Variants in TGM6 observed in about 807,000 individuals in gnomAD.
The protein encoded by TGM6 is transglutaminase 6.
Under a neutral mutation model 77.5 loss-of-function variants are expected in TGM6, and 74 were observed. That is an observed-to-expected ratio of 0.96 (90% confidence interval 0.79 to 1.16). TGM6 has a LOEUF of 1.16. Ranked by LOEUF, TGM6 falls within the 50% of genes most tolerant of loss-of-function variation. The pLI, the probability that TGM6 is intolerant of heterozygous loss-of-function variation, is 0.00. For synonymous variants in TGM6, 383 were observed against 378.9 expected (o/e 1.01, Z -0.12); for missense variants, 968 against 940.2 (o/e 1.03, Z -0.39).
intron 4 of TGM6, 75 bp from the exon 5 acceptor site, chr20:2,397,843 G>T: frequency 1.9e-6 from 3 of 1,612,612 alleles, no homozygotes; most frequent in Non-Finnish European, 1.7e-6. Context: ...GTGACTGACC[G>T]GGTGAGGGCT....
At chr20:2,381,680 G>T (rs1281428705) in intron 1 of TGM6, among the ~76,000 whole-genome samples, 1 of 152,210 alleles carries the variant, frequency 6.6e-6, no homozygotes, top group Non-Finnish European at 1.5e-5. Context: ...ATTTTGGGAG[G>T]CTGAAGGGGG....
rs536355140 is a variant in TGM6, at chr20:2,392,114, T to C, written c.8-2338T>C. Among the ~76,000 whole-genome samples the C allele has an allele frequency of 6.2e-4, 95 of 152,262 alleles. 1 individual carries two copies. Among genetic ancestry groups the C allele is most frequent in the Non-Finnish European group, 1.2e-3 (79 of 67,996 alleles). Reference sequence around the variant, plus strand: ...TCATCTCAAAGCTTGACCCAAAAGGTTTGAGGTCTATCTGCTTAATGCCAG... The same window carrying C: ...TCATCTCAAAGCTTGACCCAAAAGGCTTGAGGTCTATCTGCTTAATGCCAG... On this transcript the variant is annotated intron_variant, in intron 1 of 12. Coordinates refer to ENST00000202625, the MANE Select transcript of TGM6 (RefSeq NM_198994.3).
intron 9 of TGM6, 144 bp from the exon 10 acceptor site, chr20:2,417,088 C>T: frequency 1.3e-6 from 1 of 748,468 alleles, no homozygotes; most frequent in Non-Finnish European, 2.2e-6. Flanking sequence ...TGATTTAAAA[C>T]TTTATTTACA....
intron 1 of TGM6, among the ~76,000 whole-genome samples, chr20:2,383,948 A>C (rs1392103547): frequency 6.6e-6 from 1 of 151,924 alleles, no homozygotes; most frequent in Non-Finnish European, 1.5e-5. Flanking sequence ...TCTACTAAAA[A>C]TACAGAAAAT....
intron 9 of TGM6, among the ~76,000 whole-genome samples, chr20:2,408,611 G>T (rs906105408): frequency 6.6e-6 from 1 of 152,208 alleles, no homozygotes; most frequent in Non-Finnish European, 1.5e-5. Context: ...GGGGCCAACA[G>T]CATATGAAGG....
At chr20:2,414,900 G>T (rs1192581624) in intron 9 of TGM6, among the ~76,000 whole-genome samples, 6 of 141,228 alleles carry the variant, frequency 4.2e-5, no homozygotes, top group Non-Finnish European at 1.5e-5. Flanking sequence ...GGGGTGGGGA[G>T]GAATGGGAAG....
Position 2,403,501 on chromosome 20 carries a change from G to A in TGM6, c.1093+1G>A, listed in dbSNP as rs1599953368. On this transcript the variant is annotated splice_donor_variant, in intron 8 of 12. Coordinates refer to ENST00000202625, the MANE Select transcript of TGM6 (RefSeq NM_198994.3). LOFTEE classifies it high-confidence loss of function. ...GCCACCCCCCAGGAGGAGAGTGAAG[G>A]TACGCTCAATTGGGTGGGGTAAGTT... 1.2e-6 allele frequency: 2 copies of A among 1,614,094 alleles called. No homozygotes were observed. Among genetic ancestry groups the A allele is most frequent in the Non-Finnish European group, 1.7e-6 (2 of 1,180,020 alleles).
At chr20:2,428,035 A>AT (rs1418655683) in intron 10 of TGM6, among the ~76,000 whole-genome samples, 1 of 151,860 alleles carries the variant, frequency 6.6e-6, no homozygotes, top group Admixed American at 6.6e-5. Flanking sequence ...GGTATTTTAG[A>AT]TTTTTCAGCT....
At position 2,395,240 on chromosome 20, in the gene TGM6, A is replaced by T; in HGVS notation, c.228A>T (p.Thr76=). The change falls in exon 3 of 13, where the codon ACA becomes ACT. Residue 76 remains threonine (T), a synonymous_variant. Coordinates refer to ENST00000202625, the MANE Select transcript of TGM6 (RefSeq NM_198994.3). Reference sequence around the variant, plus strand: ...TCCACACCAAAGCTGTGTTCCAGACATCGGAGCTGGAGCGGGGTGAGGGCT... The same window carrying T: ...TCCACACCAAAGCTGTGTTCCAGACTTCGGAGCTGGAGCGGGGTGAGGGCT... The part of the protein sequence containing the change: ...EALHTKAVFQ[T]SELERGEGWT... The T allele has an allele frequency of 1.9e-6, 3 of 1,614,054 alleles. No homozygotes were observed. The highest frequency in any genetic ancestry group is 2.5e-6 in the Non-Finnish European group (3 of 1,180,018).
chr20:2,382,119 G>A (rs997717093), intron 1 of TGM6, among the ~76,000 whole-genome samples: 1 of 151,730 alleles, frequency 6.6e-6, no homozygotes, highest in African/African-American at 2.4e-5. Context: ...TTATGTGACA[G>A]TTTTATGAAT....
In TGM6 at chr20:2,382,899, G is replaced by T. The variant is rs114746257; in HGVS notation, c.7+1924G>T. 9.2e-3 allele frequency among the ~76,000 whole-genome samples: 1,401 copies of T among 152,246 alleles called. 26 individuals are homozygous for T. The highest frequency in any genetic ancestry group is 0.032 in the African/African-American group (1,334 of 41,510). On this transcript the variant is annotated intron_variant, in intron 1 of 12. Transcript: ENST00000202625. ...TTTAAGTACCAGTTGATCAGTGTTG[G>T]CAAAGGAGGTGAGACCCTTTTGCCA...
intron 10 of TGM6, among the ~76,000 whole-genome samples, chr20:2,424,012 A>C (rs1280525017): frequency 1.3e-5 from 2 of 152,254 alleles, no homozygotes; most frequent in Non-Finnish European, 2.9e-5. Flanking sequence ...AATATTCAGT[A>C]AACCATGCTA....
intron 3 of TGM6, among the ~76,000 whole-genome samples, chr20:2,396,054 C>A (rs953108803): frequency 6.6e-6 from 1 of 151,980 alleles, no homozygotes; most frequent in Non-Finnish European, 1.5e-5. Context: ...GTGGCACACG[C>A]CTGTAATCCC....
chr20:2,385,263 G>T (rs1858733046), intron 1 of TGM6, among the ~76,000 whole-genome samples: 1 of 152,160 alleles, frequency 6.6e-6, no homozygotes, highest in South Asian at 2.1e-4. Flanking sequence ...GATGGGAGCT[G>T]CTTTGGGCTG....
chr20:2,414,059 A>T (rs1426873240), intron 9 of TGM6, among the ~76,000 whole-genome samples: 1 of 152,158 alleles, frequency 6.6e-6, no homozygotes, highest in Non-Finnish European at 1.5e-5. Context: ...CATAAAAAAA[A>T]AATAATTTTT....
At chr20:2,398,363 C>T (rs188536308) in intron 5 of TGM6, among the ~76,000 whole-genome samples, 2 of 152,212 alleles carry the variant, frequency 1.3e-5, no homozygotes, top group African/African-American at 2.4e-5. Flanking sequence ...TGGTGGTTGG[C>T]AGTTCCTAGG....
intron 9 of TGM6, 144 bp from the exon 10 acceptor site, chr20:2,417,088 C>A: frequency 1.3e-6 from 1 of 748,468 alleles, no homozygotes; most frequent in Non-Finnish European, 2.2e-6. Context: ...TGATTTAAAA[C>A]TTTATTTACA....
intron 6 of TGM6, among the ~76,000 whole-genome samples, 169 bp downstream of exon 6, chr20:2,399,907 A>T (rs1056779463): frequency 6.6e-6 from 1 of 152,190 alleles, no homozygotes; most frequent in African/African-American, 2.4e-5. Context: ...TATTTCCTTC[A>T]TATCTGATCT....
chr20:2,408,544 A>G (rs894083216), intron 9 of TGM6, among the ~76,000 whole-genome samples: 5 of 152,168 alleles, frequency 3.3e-5, no homozygotes, highest in African/African-American at 1.2e-4. Context: ...CCCAACTCCT[A>G]CAGCAGCATC....
Sources: allele counts gnomAD v4.1 joint callset (sites outside exome capture counted in the v4.1 genomes callset), GRCh38; gene constraint gnomAD v4.1.1; transcripts MANE v1.5; gene names NCBI Gene and HGNC (gene_info 2026-07-23, HGNC 2026-07-21).